SPTLC1: variants seen among roughly 807,000 people sequenced by gnomAD.
SPTLC1 encodes serine palmitoyltransferase long chain base subunit 1, also known as serine palmitoyltransferase 1.
SPTLC1 carries 55 observed loss-of-function variants against 68.9 expected under a neutral mutation model. The observed-to-expected ratio is 0.80, with a 90% CI of 0.64 to 1.00. SPTLC1 has a LOEUF of 1.00. Among genes scored for constraint, SPTLC1 ranks in the 50% least tolerant of loss-of-function variants. The probability of loss-of-function intolerance (pLI) is 0.00; values close to 1 mark genes in which losing one functional copy is unlikely to be tolerated. For missense variants in SPTLC1, 449 were observed against 573.1 expected (o/e 0.78, Z 2.21); for synonymous variants, 197 against 201.6 (o/e 0.98, Z 0.19).
intron 3 of SPTLC1, among the ~76,000 whole-genome samples, chr9:92,082,279 G>A (rs1169541234): frequency 6.6e-6 from 1 of 151,980 alleles, no homozygotes; most frequent in Admixed American, 6.6e-5. Flanking sequence ...TAGGGTACAT[G>A]TGCACAATGT....
intron 3 of SPTLC1, among the ~76,000 whole-genome samples, chr9:92,104,240 G>A (rs144651856): frequency 1.6e-3 from 245 of 152,242 alleles, no homozygotes; most frequent in African/African-American, 5.2e-3. Flanking sequence ...TGGTTCCACC[G>A]CAGGTCCTGG....
chr9:92,046,182 G>C, intron 11 of SPTLC1, 129 bp from the exon 12 acceptor site: 1 of 840,444 alleles, frequency 1.2e-6, no homozygotes, highest in Admixed American at 2.1e-5. Flanking sequence ...TACTAACAGA[G>C]CCAAGAACCC....
chr9:92,073,424 G>A (rs1834568625), intron 5 of SPTLC1, among the ~76,000 whole-genome samples: 1 of 152,200 alleles, frequency 6.6e-6, no homozygotes, highest in African/African-American at 2.4e-5. Flanking sequence ...AGGGGCCCAA[G>A]GCATAGCCAG....
chr9:92,108,912 C>A (rs1836114291), intron 2 of SPTLC1, 78 bp from the exon 3 acceptor site: 3 of 1,584,466 alleles, frequency 1.9e-6, no homozygotes, highest in East Asian at 2.3e-5. Context: ...TTCAGTATTT[C>A]TTATTATTCT....
intron 13 of SPTLC1, among the ~76,000 whole-genome samples, chr9:92,036,352 G>C (rs1198061085): frequency 6.6e-6 from 1 of 152,146 alleles, no homozygotes; most frequent in Non-Finnish European, 1.5e-5. Flanking sequence ...TTTTAACACC[G>C]AGTTGCTTCA....
chr9:92,060,856 T>G (rs1325237172), intron 6 of SPTLC1, among the ~76,000 whole-genome samples: 5 of 143,416 alleles, frequency 3.5e-5, no homozygotes, highest in Admixed American at 7.1e-5. Context: ...GAGCTTGCAG[T>G]GAGTCAAGAT....
intron 3 of SPTLC1, among the ~76,000 whole-genome samples, chr9:92,097,820 T>C (rs1478837598): frequency 1.3e-5 from 2 of 152,168 alleles, no homozygotes; most frequent in East Asian, 1.9e-4. Flanking sequence ...TTATGGTATA[T>C]AGATTACGTA....
intron 7 of SPTLC1, 99 bp from the exon 8 acceptor site, chr9:92,055,593 T>TA: frequency 5.9e-6 from 7 of 1,183,168 alleles, no homozygotes; most frequent in Non-Finnish European, 8.6e-6. Context: ...GATTTATTCC[T>TA]AAAAAAATAT....
chr9:92,044,588 A>G (rs1409022716), intron 12 of SPTLC1, among the ~76,000 whole-genome samples: 4 of 152,220 alleles, frequency 2.6e-5, no homozygotes, highest in Admixed American at 2.6e-4. Context: ...GGGAAACGTC[A>G]GGTGACAGGC....
chr9:92,103,320 A>G (rs1039243327), intron 3 of SPTLC1, among the ~76,000 whole-genome samples: 1 of 152,234 alleles, frequency 6.6e-6, no homozygotes, highest in African/African-American at 2.4e-5. Flanking sequence ...TGGAGCCCAG[A>G]GCATGCCATG....
At chr9:92,076,407 T>C (rs1834684711) in intron 5 of SPTLC1, among the ~76,000 whole-genome samples, 1 of 152,076 alleles carries the variant, frequency 6.6e-6, no homozygotes, top group Non-Finnish European at 1.5e-5. Flanking sequence ...CAGTGGCCAA[T>C]ATTTCTCCTT....
intron 13 of SPTLC1, among the ~76,000 whole-genome samples, chr9:92,035,962 G>T (rs1587901380): frequency 6.6e-6 from 1 of 152,290 alleles, no homozygotes; most frequent in African/African-American, 2.4e-5. Context: ...GTGTCCTGTT[G>T]AGCAACTCAA....
intron 9 of SPTLC1, among the ~76,000 whole-genome samples, chr9:92,048,596 C>T (rs1668347764): frequency 6.6e-6 from 1 of 152,146 alleles, no homozygotes; most frequent in South Asian, 2.1e-4. Flanking sequence ...ACCTATATCC[C>T]CTACCACCCT....
At position 92,112,488 on chromosome 9, in the gene SPTLC1, G is replaced by A; in HGVS notation, c.132C>T (p.Tyr44=). 6.2e-7 allele frequency: 1 copy of A among 1,610,332 alleles called. No homozygotes were observed. The highest frequency in any genetic ancestry group is 8.5e-7 in the Non-Finnish European group (1 of 1,178,322). ...TAAGATCAGATCGTTCTTGTAATTT[G>A]TAAGTCTTAGAGAAAAGAAGTCTGA... The part of the protein sequence containing the change: ...WIIRLLFSKT[Y]KLQERSDLTV... The change falls in exon 2 of 15, where the codon TAC becomes TAT. Residue 44 remains tyrosine (Y), a synonymous_variant. Coordinates refer to ENST00000262554, the MANE Select transcript of SPTLC1 (RefSeq NM_006415.4).
At chr9:92,072,703 A>T (rs1004281631) in intron 5 of SPTLC1, among the ~76,000 whole-genome samples, 4 of 152,114 alleles carry the variant, frequency 2.6e-5, no homozygotes, top group African/African-American at 9.7e-5. Flanking sequence ...TAAATTAGAC[A>T]ATGGCTCTCA....
intron 12 of SPTLC1, among the ~76,000 whole-genome samples, chr9:92,039,466 G>T (rs1833265979): frequency 6.6e-6 from 1 of 152,030 alleles, no homozygotes; most frequent in South Asian, 2.1e-4. Context: ...TGTCACTCAG[G>T]CTGGCTGCAG....
chr9:92,083,078 G>A (rs1211106756), intron 3 of SPTLC1, among the ~76,000 whole-genome samples: 1 of 151,270 alleles, frequency 6.6e-6, no homozygotes, highest in African/African-American at 2.4e-5. Context: ...CCCACTTTTT[G>A]ATGGGATTGT....
rs985807079 is a variant in SPTLC1 at position 92,031,614 on chromosome 9, C to T, written c.*851G>A. 6.6e-6 allele frequency: 1 copy of T among 152,134 alleles called. No homozygotes were observed. Among genetic ancestry groups the T allele is most frequent in the African/African-American group, 2.4e-5 (1 of 41,376 alleles). 9.4% of individuals were successfully genotyped at this position (152,134 alleles called of 1,614,324 possible). A position where few individuals can be genotyped will look rare whatever the true frequency, so the allele number is the denominator to read the frequency against. On this transcript the variant is annotated 3_prime_UTR_variant, in exon 15 of 15. Transcript: ENST00000262554. ...CTGTAGTTACACGTCCCTAGGCAAACCCACCATACAAAAAAGGAATACATT... is the reference window on the plus strand; with the variant it reads ...CTGTAGTTACACGTCCCTAGGCAAATCCACCATACAAAAAAGGAATACATT...
chr9:92,063,382 G>A (rs563213228), intron 6 of SPTLC1, among the ~76,000 whole-genome samples: 36 of 151,990 alleles, frequency 2.4e-4, no homozygotes, highest in Non-Finnish European at 4.9e-4. Flanking sequence ...TAAGATACTT[G>A]CAAAAAAGAA....
Sources: gnomAD v4.1 joint callset for allele counts (sites outside exome capture counted in the v4.1 genomes callset) on GRCh38, gnomAD v4.1.1 for gene constraint, MANE v1.5 for transcripts, NCBI Gene and HGNC (gene_info 2026-07-23, HGNC 2026-07-21) for gene names.